Variants in SPMIP6 observed in about 807,000 individuals in gnomAD.
The protein encoded by SPMIP6 is sperm microtubule inner protein 6.
At chr9:34,396,788 G>A in the SPMIP6 span, among the ~76,000 whole-genome samples, 1 of 152,116 alleles carries the variant, frequency 6.6e-6, no homozygotes, top group Non-Finnish European at 1.5e-5. Context: ...TTCCACATCG[G>A]GCAACTCTAC....
the SPMIP6 span, among the ~76,000 whole-genome samples, chr9:34,388,932 CTTTTTTTTTTT>C: frequency 9.1e-5 from 10 of 109,818 alleles, no homozygotes; most frequent in Non-Finnish European, 1.6e-4. Flanking sequence ...CTCTCTCTTT[CTTTTTTTTTTT>C]TTTTTTTTGA....
the SPMIP6 span, among the ~76,000 whole-genome samples, chr9:34,396,849 C>G: frequency 6.6e-6 from 1 of 152,298 alleles, no homozygotes; most frequent in South Asian, 2.1e-4. Context: ...CTGGCCCTTC[C>G]CTTTTGTATC....
chr9:34,388,932 CT>C, the SPMIP6 span, among the ~76,000 whole-genome samples: 55 of 109,820 alleles, frequency 5.0e-4, no homozygotes, highest in Middle Eastern at 5.1e-3. Flanking sequence ...CTCTCTCTTT[CT>C]TTTTTTTTTT....
At chr9:34,379,053 C>T in the SPMIP6 span, 1 of 1,378,068 alleles carries the variant, frequency 7.3e-7, no homozygotes, top group Non-Finnish European at 1.0e-6. The surrounding 1 kb of genome is among the most constrained non-coding windows in gnomAD (Gnocchi z 4.2). Flanking sequence ...TGCTCTGCCC[C>T]CTTGGCACAG....
the SPMIP6 span, chr9:34,397,660 G>A: frequency 3.2e-6 from 5 of 1,558,074 alleles, no homozygotes; most frequent in Non-Finnish European, 4.3e-6. Flanking sequence ...TGCCGTGGTG[G>A]GCTCTACCTG....
chr9:34,381,737 A>C, the SPMIP6 span: 1 of 1,310,402 alleles, frequency 7.6e-7, no homozygotes. The surrounding 1 kb of genome is among the most constrained non-coding windows in gnomAD (Gnocchi z 4.4). Context: ...TGTCTAGCTG[A>C]CTCTGTTTAG....
chr9:34,379,113 A>G, the SPMIP6 span: 8 of 1,613,596 alleles, frequency 5.0e-6, no homozygotes, highest in Non-Finnish European at 5.9e-6. This position sits in a 1 kb window ranked among gnomAD's most constrained non-coding sequence, Gnocchi z 4.2. Flanking sequence ...CTCAGACACA[A>G]ACTCAGGATG....
At chr9:34,383,376 A>G in the SPMIP6 span, among the ~76,000 whole-genome samples, 1 of 152,192 alleles carries the variant, frequency 6.6e-6, no homozygotes, top group Non-Finnish European at 1.5e-5. Flanking sequence ...TACAAAAATT[A>G]GTTGGGCATG....
chr9:34,380,817 C>A, the SPMIP6 span: 1 of 1,522,634 alleles, frequency 6.6e-7, no homozygotes, highest in Non-Finnish European at 8.8e-7. Flanking sequence ...CGGAAGCTGG[C>A]CGGGCTGGAA....
the SPMIP6 span, among the ~76,000 whole-genome samples, chr9:34,385,012 G>T: frequency 3.9e-5 from 6 of 152,072 alleles, no homozygotes; most frequent in Non-Finnish European, 7.4e-5. Flanking sequence ...GGAGGAGATG[G>T]TATCTGGAAT....
the SPMIP6 span, chr9:34,385,826 C>A: frequency 6.3e-7 from 1 of 1,587,654 alleles, no homozygotes; most frequent in East Asian, 2.3e-5. Context: ...CACAGAGACC[C>A]CAGCCCTGGG....
chr9:34,390,943 A>G, the SPMIP6 span, among the ~76,000 whole-genome samples: 2 of 152,114 alleles, frequency 1.3e-5, no homozygotes, highest in East Asian at 3.8e-4. Flanking sequence ...TTTTGTATCA[A>G]AGTTATGCTG....
the SPMIP6 span, chr9:34,381,225 A>G: frequency 6.4e-7 from 1 of 1,564,672 alleles, no homozygotes. This position sits in a 1 kb window ranked among gnomAD's most constrained non-coding sequence, Gnocchi z 4.4. Context: ...CGGAGACAAA[A>G]GCCAGGACGG....
At chr9:34,388,930 T>C in the SPMIP6 span, among the ~76,000 whole-genome samples, 16 of 97,870 alleles carry the variant, frequency 1.6e-4, no homozygotes, top group East Asian at 8.3e-4. Flanking sequence ...TCCTCTCTCT[T>C]TCTTTTTTTT....
At chr9:34,393,825 C>G in the SPMIP6 span, among the ~76,000 whole-genome samples, 19 of 152,204 alleles carry the variant, frequency 1.2e-4, no homozygotes, top group South Asian at 3.5e-3. Context: ...TTTCATTTCA[C>G]TGGACTTTTC....
At chr9:34,392,737 G>A in the SPMIP6 span, among the ~76,000 whole-genome samples, 2 of 152,136 alleles carry the variant, frequency 1.3e-5, no homozygotes, top group African/African-American at 4.8e-5. This position sits in a 1 kb window ranked among gnomAD's most constrained non-coding sequence, Gnocchi z 4.6. Flanking sequence ...GAAGAGCAAG[G>A]ACAAACTGGA....
the SPMIP6 span, among the ~76,000 whole-genome samples, chr9:34,383,071 T>G: frequency 6.6e-6 from 1 of 152,212 alleles, no homozygotes. Flanking sequence ...TAAGGCAACC[T>G]TCTGAGTTTA....
At chr9:34,385,528 T>G in the SPMIP6 span, 2 of 889,694 alleles carry the variant, frequency 2.2e-6, no homozygotes, top group Non-Finnish European at 3.1e-6. Flanking sequence ...AGAGCGAAAC[T>G]CCGTCTCAAA....
chr9:34,385,786 G>A, the SPMIP6 span: 1 of 1,611,938 alleles, frequency 6.2e-7, no homozygotes, highest in South Asian at 1.1e-5. Flanking sequence ...CAGACCCTGG[G>A]CAAGGGGAGA....
Sources: gnomAD v4.1 joint callset for allele counts (sites outside exome capture counted in the v4.1 genomes callset) on GRCh38, gnomAD v4.1.1 for gene constraint, Gnocchi (gnomAD v3.1) non-coding constraint, MANE v1.5 for transcripts, NCBI Gene and HGNC (gene_info 2026-07-23, HGNC 2026-07-21) for gene names.